The following PCDHB14 variants were observed in gnomAD, a reference collection of about 807,000 sequenced individuals.
PCDHB14 encodes the protein protocadherin beta 14, also known as protocadherin beta-14.
For missense variants in PCDHB14, 1,129 were observed against 1,000.5 expected (o/e 1.13, Z -1.73); for synonymous variants, 511 against 441.5 (o/e 1.16, Z -1.97).
In PCDHB14 at chr5:141,225,625, T is replaced by C. The variant is rs782652628; in HGVS notation, c.2120T>C (p.Leu707Pro). 6.2e-7 allele frequency: 1 copy of C among 1,612,928 alleles called. No individual in the cohort carries two copies. The highest frequency in any genetic ancestry group is 8.5e-7 in the Non-Finnish European group (1 of 1,179,894). ...VSSLFLFSVL[L>P]FVAVRLCRRS... The stretch of plus-strand genomic sequence containing the variant: ...TCGCTCTTCCTCTTCTCGGTGCTCC[T>C]GTTCGTGGCGGTGCGGCTGTGCAGG... Residue 707 changes from leucine to proline, a missense_variant, in exon 1 of 1, where the codon CTG (leucine) becomes CCG (proline). Transcript: ENST00000239449.
Position 141,224,866 on chromosome 5 carries a change from C to T in PCDHB14, c.1361C>T (p.Thr454Ile), listed in dbSNP as rs1554289261. ...GACAACGCCCCCACCTTCACCCAAACCTCCTACACCCTGTTCGTCCGCGAG... is the reference window on the plus strand; with the variant it reads ...GACAACGCCCCCACCTTCACCCAAATCTCCTACACCCTGTTCGTCCGCGAG... ...VNDNAPTFTQ[T>I]SYTLFVRENN... The change falls in exon 1 of 1, where the codon ACC becomes ATC. Residue 454 changes from threonine to isoleucine, a missense_variant. Coordinates refer to ENST00000239449, the MANE Select transcript of PCDHB14 (RefSeq NM_018934.4). 1.2e-6 allele frequency: 2 copies of T among 1,613,646 alleles called. No individual in the cohort carries two copies. The highest frequency in any genetic ancestry group is 2.2e-5 in the South Asian group (2 of 91,048).
chr5:141,224,883 G>C lies in PCDHB14; in HGVS notation c.1378G>C (p.Val460Leu), dbSNP rs782325791. Reference sequence around the variant, plus strand: ...CACCCAAACCTCCTACACCCTGTTCGTCCGCGAGAACAACAGCCCCGCCCT... The same window carrying C: ...CACCCAAACCTCCTACACCCTGTTCCTCCGCGAGAACAACAGCCCCGCCCT... ...TFTQTSYTLF[V>L]RENNSPALHI... Residue 460 changes from valine to leucine, a missense_variant, in exon 1 of 1, where the codon GTC becomes CTC. By Grantham distance (32) the Val-to-Leu change is conservative. Transcript: ENST00000239449. 2.5e-5 allele frequency: 40 copies of C among 1,613,246 alleles called. No individual in the cohort carries two copies. The Admixed American group carries it at 4.2e-4, about 17-fold the overall frequency.
At position 141,224,011 on chromosome 5, in the gene PCDHB14, A is replaced by C; in HGVS notation, c.506A>C (p.Asn169Thr). The C allele has an allele frequency of 1.9e-6, 3 of 1,613,678 alleles. No homozygotes were observed. The highest frequency in any genetic ancestry group is 2.5e-6 in the Non-Finnish European group (3 of 1,179,852). The change falls in exon 1 of 1, where the codon AAC (asparagine) becomes ACC (threonine). Residue 169 changes from asparagine to threonine, a missense_variant. By Grantham distance (65) the Asn-to-Thr change is moderately conservative (BLOSUM62 0). Coordinates refer to ENST00000239449, the MANE Select transcript of PCDHB14 (RefSeq NM_018934.4). ...DLDVGSNSLQNYTISPNSHFY... is the reference protein window; with the variant it reads ...DLDVGSNSLQTYTISPNSHFY... ...GATGTCGGAAGCAACAGTCTCCAAA[A>C]CTACACAATTAGCCCCAATTCTCAC...
In PCDHB14 at chr5:141,225,027, G is replaced by A; in HGVS notation, c.1522G>A (p.Ala508Thr). ...LPLASLVSIN[A>T]DNGHLFALRS... ...CCTCGCCTCCTTGGTCTCCATCAAC[G>A]CGGACAATGGCCACCTGTTTGCCCT... Residue 508 changes from alanine (A) to threonine (T), a missense_variant, in exon 1 of 1, where the codon GCG becomes ACG. Ala to Thr is a moderately conservative substitution (Grantham distance 58). Coordinates refer to ENST00000239449, the MANE Select transcript of PCDHB14 (RefSeq NM_018934.4). 1.9e-6 allele frequency: 3 copies of A among 1,612,606 alleles called. No individual in the cohort carries two copies. The highest frequency in any genetic ancestry group is 4.5e-5 in the East Asian group (2 of 44,882).
rs1329149631 is a variant in PCDHB14 at position 141,224,006 on chromosome 5, C to A, written c.501C>A (p.Leu167=). ...ATTTGGATGTCGGAAGCAACAGTCT[C>A]CAAAACTACACAATTAGCCCCAATT... The part of the protein sequence containing the change: ...AQDLDVGSNS[L]QNYTISPNSH... Residue 167 remains leucine, a synonymous_variant, in exon 1 of 1, where the codon CTC becomes CTA. Coordinates refer to ENST00000239449, the MANE Select transcript of PCDHB14 (RefSeq NM_018934.4). 6.2e-7 allele frequency: 1 copy of A among 1,613,450 alleles called. No homozygotes were observed. Among genetic ancestry groups the A allele is most frequent in the Non-Finnish European group, 8.5e-7 (1 of 1,179,798 alleles).
rs1362979963 is a variant in PCDHB14 at position 141,227,550 on chromosome 5, C to A, written c.*1648C>A. ...CATATACATTTTGAAATTGCTCTTACAAGATTAAATACTATTATAGACCAG... is the reference window on the plus strand; with the variant it reads ...CATATACATTTTGAAATTGCTCTTAAAAGATTAAATACTATTATAGACCAG... On this transcript the variant is annotated 3_prime_UTR_variant, in exon 1 of 1. Coordinates refer to ENST00000239449, the MANE Select transcript of PCDHB14 (RefSeq NM_018934.4). 6.6e-6 allele frequency: 1 copy of A among 152,106 alleles called. No individual in the cohort carries two copies. Among genetic ancestry groups the A allele is most frequent in the Non-Finnish European group, 1.5e-5 (1 of 67,996 alleles). 9.4% of individuals were successfully genotyped at this position (152,106 alleles called of 1,614,324 possible).
Position 141,223,756 on chromosome 5 carries a change from T to G in PCDHB14, c.251T>G (p.Leu84Trp). The G allele has an allele frequency of 6.2e-7, 1 of 1,614,142 alleles. No individual in the cohort carries two copies. The highest frequency in any genetic ancestry group is 8.5e-7 in the Non-Finnish European group (1 of 1,180,026). The change falls in exon 1 of 1, where the codon TTG becomes TGG. Residue 84 changes from leucine (L) to tryptophan (W), a missense_variant. Physicochemically the swap from Leu to Trp is moderately conservative, Grantham distance 61. Coordinates refer to ENST00000239449, the MANE Select transcript of PCDHB14 (RefSeq NM_018934.4). ...YLHLDLLTGNLLLNEKLDRDE... is the reference protein window; with the variant it reads ...YLHLDLLTGNWLLNEKLDRDE... ...CACCTTGATTTGCTGACTGGGAATT[T>G]GCTCCTAAATGAGAAACTAGACCGA...
chr5:141,225,286 G>A lies in PCDHB14; in HGVS notation c.1781G>A (p.Gly594Asp). 2 of 1,597,346 alleles carry A rather than the reference G, an allele frequency of 1.3e-6. No individual in the cohort carries two copies. Among genetic ancestry groups the A allele is most frequent in the East Asian group, 2.2e-5 (1 of 44,742 alleles). ...GTGACCAAGGTGGTGGCGGTGGACG[G>A]CGACTCGGGCCAGAACGCCTGGCTG... ...YLVTKVVAVD[G>D]DSGQNAWLSY... The change falls in exon 1 of 1, where the codon GGC becomes GAC. Residue 594 changes from glycine to aspartate, a missense_variant. By Grantham distance (94) the Gly-to-Asp change is moderately conservative. Transcript: ENST00000239449.
chr5:141,225,956 CT>C lies in PCDHB14; in HGVS notation c.*59del. 6.2e-6 allele frequency: 9 copies of C among 1,462,174 alleles called. No individual in the cohort carries two copies. The highest frequency in any genetic ancestry group is 8.4e-6 in the Non-Finnish European group (9 of 1,068,964). 90.6% of individuals were successfully genotyped at this position (1,462,174 alleles called of 1,614,324 possible). A position where few individuals can be genotyped will look rare whatever the true frequency, so the allele number is the denominator to read the frequency against. On this transcript the variant is annotated 3_prime_UTR_variant, in exon 1 of 1. Transcript: ENST00000239449. ...GGTTATTCTTGGCAAGCTGATGGTA[CT>C]TTTTGCATAATCTTTTGTGGATTCT...
Position 141,225,669 on chromosome 5 carries a change from G to A in PCDHB14, c.2164G>A (p.Val722Met), listed in dbSNP as rs781876298. 10 of 1,613,874 alleles carry A rather than the reference G, an allele frequency of 6.2e-6. No individual in the cohort carries two copies. The highest frequency in any genetic ancestry group is 2.2e-5 in the South Asian group (2 of 91,082). The change falls in exon 1 of 1, where the codon GTG becomes ATG. Residue 722 changes from valine to methionine, a missense_variant. Val to Met is a conservative substitution (Grantham distance 21). Coordinates refer to ENST00000239449, the MANE Select transcript of PCDHB14 (RefSeq NM_018934.4). ...GTGCAGGAGGAGCAGGGCGGCCTCG[G>A]TGGGTCGCTGCTCGGTGCCCGAGGG... The part of the protein sequence containing the change: ...RLCRRSRAAS[V>M]GRCSVPEGPF...
Position 141,225,568 on chromosome 5 carries a change from T to C in PCDHB14, c.2063T>C (p.Val688Ala). Residue 688 changes from valine (V) to alanine (A), a missense_variant, in exon 1 of 1, where the codon GTC becomes GCC. Transcript: ENST00000239449. ...PAQAQADSLT[V>A]YLVVALASVS... The stretch of plus-strand genomic sequence containing the variant: ...CAGGCCCAGGCCGACTCCCTCACCG[T>C]CTACCTGGTGGTGGCATTGGCCTCG... 1 of 1,611,176 alleles carries C rather than the reference T, an allele frequency of 6.2e-7. No homozygotes were observed. Among genetic ancestry groups the C allele is most frequent in the Non-Finnish European group, 8.5e-7 (1 of 1,179,788 alleles).
In PCDHB14 at chr5:141,223,690, G is replaced by T. The variant is rs1172315515; in HGVS notation, c.185G>T (p.Arg62Leu). The T allele has an allele frequency of 1.9e-6, 3 of 1,613,968 alleles. No individual in the cohort carries two copies. The highest frequency in any genetic ancestry group is 2.5e-6 in the Non-Finnish European group (3 of 1,180,036). ...CTGGGGGTGGAGGAGCTGTCTTCACGTGAAGCCCGGGTAGTGTCTGATGAT... is the reference window on the plus strand; with the variant it reads ...CTGGGGGTGGAGGAGCTGTCTTCACTTGAAGCCCGGGTAGTGTCTGATGAT... ...LGLGVEELSS[R>L]EARVVSDDNK... is the part of the protein sequence containing the mutation. Residue 62 changes from arginine (R) to leucine (L), a missense_variant, in exon 1 of 1, where the codon CGT becomes CTT. By Grantham distance (102) the Arg-to-Leu change is moderately radical (BLOSUM62 -2). Coordinates refer to ENST00000239449, the MANE Select transcript of PCDHB14 (RefSeq NM_018934.4).
In PCDHB14 at chr5:141,223,652, G is replaced by A; in HGVS notation, c.147G>A (p.Ala49=). 1.2e-6 allele frequency: 2 copies of A among 1,614,180 alleles called. No homozygotes were observed. Among genetic ancestry groups the A allele is most frequent in the Non-Finnish European group, 8.5e-7 (1 of 1,180,034 alleles). ...TEIGSFVANL[A]RDLGLGVEEL... ...TTGGCTCTTTTGTGGCTAATCTAGC[G>A]AGGGACCTAGGGCTGGGGGTGGAGG... The change falls in exon 1 of 1, where the codon GCG becomes GCA. Residue 49 remains alanine, a synonymous_variant. Transcript: ENST00000239449.
At position 141,223,918 on chromosome 5, in the gene PCDHB14, T is replaced by C. The variant is rs782177749; in HGVS notation, c.413T>C (p.Ile138Thr). 21 of 1,613,936 alleles carry C rather than the reference T, an allele frequency of 1.3e-5. No individual in the cohort carries two copies. The highest frequency in any genetic ancestry group is 1.6e-5 in the Non-Finnish European group (19 of 1,179,964). Residue 138 changes from isoleucine to threonine, a missense_variant, in exon 1 of 1, where the codon ATA becomes ACA. By Grantham distance (89) the Ile-to-Thr change is moderately conservative. Transcript: ENST00000239449. Reference protein sequence around the residue: ...DHSPTFLDKEILIKISEGTTV... With the variant: ...DHSPTFLDKETLIKISEGTTV... ...TCCCCTACATTTCTAGACAAGGAAA[T>C]ACTTATTAAAATATCAGAAGGTACC...
Position 141,225,939 on chromosome 5 carries a change from T to A in PCDHB14, c.*37T>A. Reference sequence around the variant, plus strand: ...TTAAATGTCTAATTTTTGGTTATTCTTGGCAAGCTGATGGTACTTTTTGCA... The same window carrying A: ...TTAAATGTCTAATTTTTGGTTATTCATGGCAAGCTGATGGTACTTTTTGCA... On this transcript the variant is annotated 3_prime_UTR_variant, in exon 1 of 1. Coordinates refer to ENST00000239449, the MANE Select transcript of PCDHB14 (RefSeq NM_018934.4). 6.5e-7 allele frequency: 1 copy of A among 1,544,756 alleles called. No individual in the cohort carries two copies. The highest frequency in any genetic ancestry group is 8.8e-7 in the Non-Finnish European group (1 of 1,137,474).
In PCDHB14 at chr5:141,225,000, C is replaced by T; in HGVS notation, c.1495C>T (p.Pro499Ser). ...SLLPPQDRHL[P>S]LASLVSINAD... is the part of the protein sequence containing the mutation. Reference sequence around the variant, plus strand: ...GCTGCCGCCCCAGGACCGGCACCTGCCCCTCGCCTCCTTGGTCTCCATCAA... The same window carrying T: ...GCTGCCGCCCCAGGACCGGCACCTGTCCCTCGCCTCCTTGGTCTCCATCAA... The change falls in exon 1 of 1, where the codon CCC becomes TCC. Residue 499 changes from proline to serine, a missense_variant. Coordinates refer to ENST00000239449, the MANE Select transcript of PCDHB14 (RefSeq NM_018934.4). 1.2e-6 allele frequency: 2 copies of T among 1,612,624 alleles called. No individual in the cohort carries two copies. Among genetic ancestry groups the T allele is most frequent in the Non-Finnish European group, 1.7e-6 (2 of 1,180,034 alleles).
chr5:141,224,534 CCCA>C lies in PCDHB14; in HGVS notation c.1033_1035del (p.Pro345del). The C allele has an allele frequency of 6.2e-7, 1 of 1,612,470 alleles. No individual in the cohort carries two copies. The highest frequency in any genetic ancestry group is 8.5e-7 in the Non-Finnish European group (1 of 1,179,582). ...TTAAAGTTATGGATATAAACGACAA[CCCA>C]CCAGAAGTGACCATATCGTCGATTA... On this transcript the variant is annotated inframe_deletion, in exon 1 of 1. Transcript: ENST00000239449.
rs1754798054 is a variant in PCDHB14, at chr5:141,224,659, T to C, written c.1154T>C (p.Ile385Thr). The C allele has an allele frequency of 2.5e-6, 4 of 1,614,182 alleles. No homozygotes were observed. The East Asian group carries it at 8.9e-5, about 36-fold the overall frequency. ...SGDNGRMICS[I>T]QDNLPFFLKP... ...GACAATGGGAGGATGATTTGCTCTA[T>C]TCAAGATAACCTCCCTTTTTTCCTG... The change falls in exon 1 of 1, where the codon ATT (isoleucine) becomes ACT (threonine). Residue 385 changes from isoleucine to threonine, a missense_variant. Ile to Thr is a moderately conservative substitution (Grantham distance 89, BLOSUM62 -1). Coordinates refer to ENST00000239449, the MANE Select transcript of PCDHB14 (RefSeq NM_018934.4).
Position 141,225,773 on chromosome 5 carries a change from A to G in PCDHB14, c.2268A>G (p.Thr756=), listed in dbSNP as rs1554289582. 2.1e-5 allele frequency: 34 copies of G among 1,614,234 alleles called. No homozygotes were observed. The East Asian group carries it at 7.6e-4, about 36-fold the overall frequency. ...GCTACCAATACGAGGTGTGTCTGACAGGAGGTTCCGGGACAAATGAGTTCA... is the reference window on the plus strand; with the variant it reads ...GCTACCAATACGAGGTGTGTCTGACGGGAGGTTCCGGGACAAATGAGTTCA... ...SQSYQYEVCL[T]GGSGTNEFKF... Residue 756 remains threonine (T), a synonymous_variant, in exon 1 of 1, where the codon ACA becomes ACG. Transcript: ENST00000239449.
Sources: allele counts gnomAD v4.1 joint callset, GRCh38; gene constraint gnomAD v4.1.1; transcripts MANE v1.5; gene names NCBI Gene and HGNC (gene_info 2026-07-23, HGNC 2026-07-21).